CASK: variants seen among roughly 807,000 people sequenced by gnomAD.
CASK encodes peripheral plasma membrane protein CASK.
CASK carries 4 observed loss-of-function variants against 82.9 expected under a neutral mutation model. The observed-to-expected ratio is 0.05, with a 90% CI of 0.02 to 0.11. CASK has a LOEUF of 0.11. CASK is among the 10% of genes least tolerant of loss of function. CASK has a pLI of 1.00. For missense variants in CASK, 358 were observed against 720.9 expected (o/e 0.50, Z 5.76); for synonymous variants, 259 against 253.5 (o/e 1.02, Z -0.20).
At chrX:41,576,467 G>C (rs890151422) in intron 15 of CASK, among the ~76,000 whole-genome samples, 1 of 110,964 alleles carries the variant, frequency 9.0e-6, no homozygotes, top group Non-Finnish European at 1.9e-5. Context: ...CTCCTCTCCA[G>C]CTCTGTCATA....
At chrX:41,535,094 C>A in intron 22 of CASK, 121 bp from the exon 23 acceptor site, 1 of 490,778 alleles carries the variant, frequency 2.0e-6, no homozygotes, top group Non-Finnish European at 3.5e-6. Context: ...AATATGAATC[C>A]AACTTATGAT....
intron 25 of CASK, among the ~76,000 whole-genome samples, chrX:41,528,394 G>A (rs1045324354): frequency 8.9e-6 from 1 of 112,314 alleles, no homozygotes; most frequent in South Asian, 3.7e-4. Context: ...ATTATTAGAC[G>A]TGCTCAATTG....
chrX:41,818,145 CTGTGTGTGTGTGTGTGTGTGTGTG>C (rs59931187), intron 2 of CASK, among the ~76,000 whole-genome samples: 4 of 85,423 alleles, frequency 4.7e-5, no homozygotes, highest in East Asian at 7.6e-4. Context: ...AGGAGGCCTT[CTGTGTGTGTGTGTGTGTGTGTGTG>C]TGTGTGTGTG....
chrX:41,818,836 C>CA (rs201436433), intron 2 of CASK, among the ~76,000 whole-genome samples: 42 of 105,185 alleles, frequency 4.0e-4, no homozygotes, highest in Middle Eastern at 5.0e-3. Context: ...AAGACAAGAC[C>CA]AAAAAAAAAG....
In CASK at chrX:41,853,182, C is replaced by T. The variant is rs750654887; in HGVS notation, c.105G>A (p.Gly35=). Residue 35 remains glycine, a synonymous_variant, in exon 2 of 27, where the codon GGG becomes GGA. Transcript: ENST00000378163. ...VVRRCINRET[G]QQFAVKIVDV... is the part of the protein sequence containing the mutation. Reference sequence around the variant, plus strand: ...CAACAATTTTTACAGCAAATTGTTGCCCAGTTTCTCTGTTGATACATCGTC... The same window carrying T: ...CAACAATTTTTACAGCAAATTGTTGTCCAGTTTCTCTGTTGATACATCGTC... 1.1e-5 allele frequency: 13 copies of T among 1,207,871 alleles called. No homozygotes were observed. The highest frequency in any genetic ancestry group is 1.5e-5 in the Non-Finnish European group (13 of 892,475).
In CASK at chrX:41,518,089, C is replaced by G. The variant is rs371092524; in HGVS notation, c.*2331G>C. On this transcript the variant is annotated 3_prime_UTR_variant, in exon 27 of 27. Transcript: ENST00000378163. ...GCCACAGACATTTAAGTTGGCATTG[C>G]TTTTCTCCTCCTCTGCTTAATCCAC... 34 of 241,409 alleles carry G rather than the reference C, an allele frequency of 1.4e-4. No individual in the cohort carries two copies. The highest frequency in any genetic ancestry group is 8.1e-4 in the African/African-American group (28 of 34,671). The allele number at this position is 241,409 out of a possible 1,213,427, so 19.9% of individuals were successfully genotyped here.
At position 41,745,557 on chromosome X, in the gene CASK, T is replaced by C; in HGVS notation, c.323A>G (p.Asp108Gly). Residue 108 changes from aspartate (D) to glycine (G), a missense_variant, in exon 4 of 27, where the codon GAC (aspartate) becomes GGC (glycine). Asp to Gly is a moderately conservative substitution (Grantham distance 94). This residue lies in a region of CASK where 70 missense variants were observed against 228.4 expected (regional missense o/e 0.31). Coordinates refer to ENST00000378163, the MANE Select transcript of CASK (RefSeq NM_001367721.1). ...AGCTTCACTGTACACAAAACCAGCG[T>C]CAGCTCGCTTTACGATTTCAAAACA... ...DLCFEIVKRA[D>G]AGFVYSEAVA... 1 of 1,204,475 alleles carries C rather than the reference T, an allele frequency of 8.3e-7. No homozygotes were observed. Among genetic ancestry groups the C allele is most frequent in the Non-Finnish European group, 1.1e-6 (1 of 889,058 alleles).
chrX:41,689,487 T>G (rs1386261009), intron 5 of CASK, among the ~76,000 whole-genome samples: 1 of 112,145 alleles, frequency 8.9e-6, no homozygotes, highest in East Asian at 2.8e-4. Context: ...TCTCCCTATT[T>G]TAAATTACTG....
At chrX:41,681,004 T>C (rs1407358137) in intron 5 of CASK, among the ~76,000 whole-genome samples, 1 of 112,609 alleles carries the variant, frequency 8.9e-6, no homozygotes, top group African/African-American at 3.2e-5. Flanking sequence ...TTCTTTGATT[T>C]GGCAAGTATA....
intron 8 of CASK, among the ~76,000 whole-genome samples, chrX:41,651,993 A>G (rs940807873): frequency 9.0e-6 from 1 of 111,232 alleles, no homozygotes; most frequent in Non-Finnish European, 1.9e-5. Context: ...GGGGATAGGG[A>G]ATACTGGTGG....
At chrX:41,922,603 G>C (rs941792060) in intron 1 of CASK, among the ~76,000 whole-genome samples, 1 of 112,253 alleles carries the variant, frequency 8.9e-6, no homozygotes, top group Non-Finnish European at 1.9e-5. Context: ...GTACATGCAA[G>C]GTAACAATAA....
intron 5 of CASK, among the ~76,000 whole-genome samples, chrX:41,675,232 G>A (rs896633318): frequency 8.9e-6 from 1 of 112,389 alleles, no homozygotes; most frequent in African/African-American, 3.2e-5. Flanking sequence ...TTCTGCAGTT[G>A]TAGTCAAAGG....
chrX:41,695,474 C>T (rs1333182896), intron 5 of CASK: 6 of 440,939 alleles, frequency 1.4e-5, no homozygotes, highest in Non-Finnish European at 2.4e-5. Flanking sequence ...TGCTGGGAAG[C>T]CCAGCCTATT....
chrX:41,563,040 C>CAAAAAAAAAAAAA (rs141364032), intron 16 of CASK, among the ~76,000 whole-genome samples: 59 of 22,110 alleles, frequency 2.7e-3, no homozygotes, highest in East Asian at 3.4e-3. Context: ...GACTCCATCT[C>CAAAAAAAAAAAAA]AAAAAAAAAA....
At chrX:41,848,707 A>G (rs1406766467) in intron 2 of CASK, among the ~76,000 whole-genome samples, 2 of 112,026 alleles carry the variant, frequency 1.8e-5, no homozygotes, top group Non-Finnish European at 3.8e-5. Flanking sequence ...AAAAATGACA[A>G]TATTATGGGA....
chrX:41,602,956 G>A (rs1261034976), intron 12 of CASK, among the ~76,000 whole-genome samples: 1 of 111,101 alleles, frequency 9.0e-6, no homozygotes, highest in Non-Finnish European at 1.9e-5. Flanking sequence ...GAACAGCAAT[G>A]CGCTTCAGTC....
At chrX:41,830,588 A>T (rs1237668945) in intron 2 of CASK, among the ~76,000 whole-genome samples, 2 of 109,765 alleles carry the variant, frequency 1.8e-5, no homozygotes, top group Non-Finnish European at 3.8e-5. Flanking sequence ...TGGGAGGCCA[A>T]GGTGGGCGGA....
At chrX:41,668,712 T>C (rs764110361) in intron 6 of CASK, among the ~76,000 whole-genome samples, 1 of 111,390 alleles carries the variant, frequency 9.0e-6, no homozygotes, top group South Asian at 3.8e-4. Flanking sequence ...TGCTTTAAAG[T>C]TGATAAATAA....
chrX:41,923,083 C>G lies in CASK; in HGVS notation c.-95G>C. ...GTGCCCAGCCCCGGGATCGCCTCCT[C>G]CCCTCAGGACCCGCGAGCCCTCGGT... is the stretch of plus-strand genomic sequence containing the variant. On this transcript the variant is annotated 5_prime_UTR_variant, in exon 1 of 27. Coordinates refer to ENST00000378163, the MANE Select transcript of CASK (RefSeq NM_001367721.1). 1.3e-6 allele frequency: 1 copy of G among 762,750 alleles called. No homozygotes were observed. Among genetic ancestry groups the G allele is most frequent in the South Asian group, 2.3e-5 (1 of 42,915 alleles). The allele number at this position is 762,750 out of a possible 1,213,427, so 62.9% of individuals were successfully genotyped here.
Sources: allele counts gnomAD v4.1 joint callset (sites outside exome capture counted in the v4.1 genomes callset), GRCh38; gene constraint gnomAD v4.1.1; regional missense constraint gnomAD v4.1.1; transcripts MANE v1.5; gene names NCBI Gene and HGNC (gene_info 2026-07-23, HGNC 2026-07-21).